The following DNAH9 variants were observed in gnomAD, a reference collection of about 807,000 sequenced individuals.
DNAH9 encodes the protein dynein axonemal heavy chain 9.
In DNAH9, 345 loss-of-function variants were observed where a neutral mutation model predicts 471.6. That is an observed-to-expected ratio of 0.73 (90% CI 0.67 to 0.80). The LOEUF is 0.80. Ranked by LOEUF, DNAH9 falls within the 30% of genes least tolerant of loss-of-function variation. The pLI, the probability that DNAH9 is intolerant of heterozygous loss-of-function variation, is 0.00. For missense variants in DNAH9, 5,407 were observed against 5,609.2 expected (o/e 0.96, Z 1.15); for synonymous variants, 2,093 against 2,123.6 (o/e 0.99, Z 0.40).
chr17:11,845,058 G>A (rs1265030122), intron 49 of DNAH9, among the ~76,000 whole-genome samples: 1 of 151,154 alleles, frequency 6.6e-6, no homozygotes, highest in Non-Finnish European at 1.5e-5. Flanking sequence ...ACAATGTGCA[G>A]GTTAGTTACA....
intron 61 of DNAH9, among the ~76,000 whole-genome samples, chr17:11,918,344 G>T (rs1974025209): frequency 6.6e-6 from 1 of 151,998 alleles, no homozygotes; most frequent in African/African-American, 2.4e-5. Flanking sequence ...TGATCCTCTT[G>T]CCTCAGCCTC....
intron 43 of DNAH9, among the ~76,000 whole-genome samples, chr17:11,802,648 C>A (rs868468982): frequency 1.3e-3 from 176 of 131,228 alleles, no homozygotes; most frequent in Middle Eastern, 8.1e-3. Flanking sequence ...AACACACAGA[C>A]AAAAAAAAAA....
chr17:11,779,693 C>G (rs554749176), intron 38 of DNAH9, among the ~76,000 whole-genome samples: 1 of 152,158 alleles, frequency 6.6e-6, no homozygotes, highest in Admixed American at 6.5e-5. Flanking sequence ...AAGAACTGTT[C>G]TCAAAAGCAT....
chr17:11,865,992 C>T (rs1597755937), intron 50 of DNAH9, among the ~76,000 whole-genome samples: 1 of 152,138 alleles, frequency 6.6e-6, no homozygotes, highest in Admixed American at 6.6e-5. Context: ...GTAGTTTGAT[C>T]GTCTGAAGCC....
At chr17:11,763,314 CTG>C in intron 35 of DNAH9, 124 bp from the exon 36 acceptor site, 12 of 807,494 alleles carry the variant, frequency 1.5e-5, no homozygotes, top group Non-Finnish European at 2.2e-5. Flanking sequence ...CTCTGGTTGT[CTG>C]TAATCCCAAA....
intron 38 of DNAH9, among the ~76,000 whole-genome samples, chr17:11,770,587 C>T (rs1968167211): frequency 6.6e-6 from 1 of 152,172 alleles, no homozygotes. Context: ...TAGACTTCAT[C>T]CACTGCTGAG....
rs1971543721 is a variant in DNAH9 at position 11,854,339 on chromosome 17, G to A, written c.9844G>A (p.Val3282Met). ...GAGATTTTATGAGGTGTTCTGTGAT[G>A]TGGAACCCAAGCGCCAGGCACTGAA... ...IVRFYEVFCD[V>M]EPKRQALNKA... The change falls in exon 50 of 69, where the codon GTG (valine) becomes ATG (methionine). Residue 3282 changes from valine (V) to methionine (M), a missense_variant. Physicochemically the swap from Val to Met is conservative, Grantham distance 21. Around this residue, in one of 3 missense-constraint regions of DNAH9, gnomAD observed 4,636 missense variants for 4,900.3 expected, o/e 0.95. Transcript: ENST00000262442. 6.2e-7 allele frequency: 1 copy of A among 1,613,982 alleles called. No homozygotes were observed. The highest frequency in any genetic ancestry group is 1.7e-5 in the Admixed American group (1 of 60,006).
intron 56 of DNAH9, among the ~76,000 whole-genome samples, chr17:11,886,196 C>T (rs1487850181): frequency 2.0e-5 from 3 of 152,074 alleles, no homozygotes; most frequent in African/African-American, 4.8e-5. Context: ...TGGTGGCAGG[C>T]GCCTGTAATC....
chr17:11,737,894 T>C (rs1240553604), intron 28 of DNAH9, among the ~76,000 whole-genome samples: 1 of 152,220 alleles, frequency 6.6e-6, no homozygotes, highest in Non-Finnish European at 1.5e-5. Flanking sequence ...GGACCACAGT[T>C]GCGATGAGGA....
intron 16 of DNAH9, 54 bp from the exon 17 acceptor site, chr17:11,669,316 G>C: frequency 6.3e-7 from 1 of 1,594,884 alleles, no homozygotes; most frequent in Admixed American, 1.7e-5. Context: ...GCCGAATCTC[G>C]AACTTCCTGC....
intron 33 of DNAH9, among the ~76,000 whole-genome samples, chr17:11,754,435 T>C (rs1046361467): frequency 6.6e-6 from 1 of 152,226 alleles, no homozygotes; most frequent in African/African-American, 2.4e-5. Context: ...TAATTTACAC[T>C]CCCACCAACA....
At chr17:11,953,564 C>A (rs1975487505) in intron 67 of DNAH9, among the ~76,000 whole-genome samples, 1 of 152,080 alleles carries the variant, frequency 6.6e-6, no homozygotes, top group Non-Finnish European at 1.5e-5. Context: ...GTAATCCCAG[C>A]ACTTTGGGAG....
At position 11,807,763 on chromosome 17, in the gene DNAH9, C is replaced by T. The variant is rs151011026; in HGVS notation, c.8452C>T (p.Arg2818Trp). 110 of 1,612,524 alleles carry T rather than the reference C, an allele frequency of 6.8e-5. 1 individual carries two copies. The highest frequency in any genetic ancestry group is 1.3e-4 in the East Asian group (6 of 44,832). The change falls in exon 44 of 69, where the codon CGG (arginine) becomes TGG (tryptophan). Residue 2818 changes from arginine to tryptophan, a missense_variant. This residue lies in a region of DNAH9 where 4,636 missense variants were observed against 4,900.3 expected (regional missense o/e 0.95). Coordinates refer to ENST00000262442, the MANE Select transcript of DNAH9 (RefSeq NM_001372.4). ...CHINRILESP[R>W]GNALLVGVGG... ...TATCAATCGCATCTTGGAGTCCCCG[C>T]GGGGAAATGCTCTGCTGGTTGGTGT... is the stretch of plus-strand genomic sequence containing the variant.
At chr17:11,648,510 G>C (rs1240540388) in intron 12 of DNAH9, among the ~76,000 whole-genome samples, 2 of 152,122 alleles carry the variant, frequency 1.3e-5, no homozygotes, top group Non-Finnish European at 2.9e-5. Context: ...CTCAGTATAA[G>C]ATATATTACT....
chr17:11,702,420 G>A (rs1310886786), intron 24 of DNAH9, among the ~76,000 whole-genome samples: 2 of 152,206 alleles, frequency 1.3e-5, no homozygotes, highest in Non-Finnish European at 2.9e-5. Flanking sequence ...TGCTCTGTTT[G>A]GGGGTTGCAG....
intron 45 of DNAH9, among the ~76,000 whole-genome samples, chr17:11,819,282 C>T (rs1039913572): frequency 1.4e-4 from 21 of 152,074 alleles, no homozygotes; most frequent in Admixed American, 3.3e-4. Context: ...GAGGTATCAC[C>T]GCTTTCCCAA....
chr17:11,763,313 T>C (rs541904365), intron 35 of DNAH9, 127 bp from the exon 36 acceptor site: 1 of 792,012 alleles, frequency 1.3e-6, no homozygotes, highest in East Asian at 2.5e-5. Flanking sequence ...GCTCTGGTTG[T>C]CTGTAATCCC....
In DNAH9 at chr17:11,836,834, C is replaced by T. The variant is rs540128952; in HGVS notation, c.9507+1936C>T. 8.1e-4 allele frequency among the ~76,000 whole-genome samples: 124 copies of T among 152,298 alleles called. 1 individual carries two copies. In the South Asian group the frequency reaches 0.012, roughly 15 times the overall value. ...GATCATTCCTTGCCAAGAAGACAAACGTCTTTCATAAGTTCTTTTCATACA... is the reference window on the plus strand; with the variant it reads ...GATCATTCCTTGCCAAGAAGACAAATGTCTTTCATAAGTTCTTTTCATACA... On this transcript the variant is annotated intron_variant, in intron 49 of 68. Transcript: ENST00000262442.
chr17:11,824,710 C>A (rs1268403674), intron 48 of DNAH9, among the ~76,000 whole-genome samples: 3 of 152,148 alleles, frequency 2.0e-5, no homozygotes, highest in African/African-American at 7.2e-5. Context: ...ACAACCCTTT[C>A]GCATTTTATC....
Sources: gnomAD v4.1 joint callset for allele counts (sites outside exome capture counted in the v4.1 genomes callset) on GRCh38, gnomAD v4.1.1 for gene constraint, gnomAD v4.1.1 regional missense constraint, MANE v1.5 for transcripts, NCBI Gene and HGNC (gene_info 2026-07-23, HGNC 2026-07-21) for gene names.